Variants in ZCCHC7 observed in about 807,000 individuals in gnomAD.
ZCCHC7 encodes zinc finger CCHC domain-containing protein 7.
A neutral mutation model predicts 52.0 loss-of-function variants in ZCCHC7; 35 were observed. That is an observed-to-expected ratio of 0.67 (90% CI 0.51 to 0.89). The LOEUF (loss-of-function observed/expected upper bound fraction) is 0.89, where lower values mean the gene tolerates loss of function less well. Among genes scored for constraint, ZCCHC7 ranks in the 40% least tolerant of loss-of-function variants. The pLI, the probability that ZCCHC7 is intolerant of heterozygous loss-of-function variation, is 0.00. For synonymous variants in ZCCHC7, 217 were observed against 221.5 expected (o/e 0.98, Z 0.18); for missense variants, 574 against 649.1 (o/e 0.88, Z 1.26).
intron 2 of ZCCHC7, among the ~76,000 whole-genome samples, chr9:37,239,531 G>T (rs1825793295): frequency 6.6e-6 from 1 of 152,082 alleles, no homozygotes; most frequent in East Asian, 1.9e-4. Context: ...GACAGGGAGG[G>T]TTTTAAGCAT....
At chr9:37,255,058 T>G (rs753148378) in intron 2 of ZCCHC7, among the ~76,000 whole-genome samples, 1 of 151,942 alleles carries the variant, frequency 6.6e-6, no homozygotes, top group Non-Finnish European at 1.5e-5. Context: ...GCATTCCCAG[T>G]GGATGTCTAA....
intron 4 of ZCCHC7, among the ~76,000 whole-genome samples, chr9:37,304,980 T>C (rs577234066): frequency 1.3e-5 from 2 of 152,308 alleles, no homozygotes; most frequent in African/African-American, 4.8e-5. Context: ...CGTTAGAAAA[T>C]TATAATTTGG....
At chr9:37,221,684 A>G (rs1210260887) in intron 2 of ZCCHC7, among the ~76,000 whole-genome samples, 1 of 152,226 alleles carries the variant, frequency 6.6e-6, no homozygotes, top group Non-Finnish European at 1.5e-5. Flanking sequence ...AGATTTGAAT[A>G]GAGAAAGTAA....
intron 6 of ZCCHC7, among the ~76,000 whole-genome samples, chr9:37,331,262 C>A (rs968206992): frequency 6.6e-6 from 1 of 151,598 alleles, no homozygotes; most frequent in African/African-American, 2.4e-5. Flanking sequence ...GTGTGCTTGA[C>A]TTCCTTTCTG....
chr9:37,323,732 G>A (rs1025360034), intron 5 of ZCCHC7, among the ~76,000 whole-genome samples: 1 of 152,022 alleles, frequency 6.6e-6, no homozygotes, highest in Non-Finnish European at 1.5e-5. Context: ...TTGATTGACG[G>A]CAAATGCTAG....
chr9:37,342,069 A>C (rs1046169778), intron 6 of ZCCHC7, among the ~76,000 whole-genome samples: 2 of 152,124 alleles, frequency 1.3e-5, no homozygotes, highest in Non-Finnish European at 2.9e-5. Flanking sequence ...TATGTTGTAG[A>C]GGGCAGGGAT....
intron 2 of ZCCHC7, among the ~76,000 whole-genome samples, chr9:37,171,910 T>C (rs1231464777): frequency 6.6e-6 from 1 of 152,200 alleles, no homozygotes; most frequent in Non-Finnish European, 1.5e-5. Context: ...GTAGATGTAT[T>C]CTTCTGTTAT....
rs141314115 is a variant in ZCCHC7 at position 37,298,765 on chromosome 9, A to G, written c.611-3423A>G. Among the ~76,000 whole-genome samples the G allele has an allele frequency of 2.4e-4, 37 of 152,334 alleles. No homozygotes were observed. The East Asian group carries it at 6.9e-3, about 29-fold the overall frequency. ...TTTTTACATAGGTACATTTTATTAC[A>G]TGTAAGTTACACCTCATTAGTTTCC... On this transcript the variant is annotated intron_variant, in intron 2 of 8. Coordinates refer to ENST00000336755, the MANE Select transcript of ZCCHC7 (RefSeq NM_032226.3).
At chr9:37,327,343 A>C (rs535065728) in intron 5 of ZCCHC7, 1 of 153,570 alleles carries the variant, frequency 6.5e-6, no homozygotes, top group African/African-American at 2.4e-5. Context: ...GATTCCGTAA[A>C]AGATGCCAAC....
At chr9:37,289,384 C>T (rs946142559) in intron 2 of ZCCHC7, among the ~76,000 whole-genome samples, 3 of 152,094 alleles carry the variant, frequency 2.0e-5, no homozygotes, top group South Asian at 2.1e-4. Context: ...CTACTGACTT[C>T]GTGATCTGCC....
chr9:37,281,025 T>C (rs1588604826), intron 2 of ZCCHC7, among the ~76,000 whole-genome samples: 1 of 152,080 alleles, frequency 6.6e-6, no homozygotes, highest in Non-Finnish European at 1.5e-5. Flanking sequence ...TGGTTACAAG[T>C]TTCTTAACAT....
At chr9:37,172,644 A>G (rs565514444) in intron 2 of ZCCHC7, among the ~76,000 whole-genome samples, 151 of 152,356 alleles carry the variant, frequency 9.9e-4, no homozygotes, top group Non-Finnish European at 1.2e-3. Flanking sequence ...GCATTGCATT[A>G]TGGACTTGAT....
At chr9:37,130,492 A>G (rs1051370471) in intron 2 of ZCCHC7, among the ~76,000 whole-genome samples, 4 of 129,954 alleles carry the variant, frequency 3.1e-5, no homozygotes, top group Non-Finnish European at 5.0e-5. Context: ...TGAAATCTCA[A>G]TTTTTTTTTT....
At chr9:37,288,479 A>C (rs1232776220) in intron 2 of ZCCHC7, among the ~76,000 whole-genome samples, 2 of 151,850 alleles carry the variant, frequency 1.3e-5, no homozygotes, top group Non-Finnish European at 2.9e-5. Flanking sequence ...TTTTAAGGAG[A>C]TAGGGTACCA....
rs1564242150 is a variant in ZCCHC7 at position 37,305,667 on chromosome 9, T to G, written c.904T>G (p.Trp302Gly). 2.5e-6 allele frequency: 4 copies of G among 1,614,184 alleles called. No individual in the cohort carries two copies. The highest frequency in any genetic ancestry group is 3.4e-6 in the Non-Finnish European group (4 of 1,180,022). Residue 302 changes from tryptophan (W) to glycine (G), a missense_variant, in exon 5 of 9, where the codon TGG (tryptophan) becomes GGG (glycine). This residue lies in a region of ZCCHC7 where 403 missense variants were observed against 461.2 expected (regional missense o/e 0.87). Transcript: ENST00000336755. ...CCACTCATGTCTTTTCAGACATTCC[T>G]GGGATAAACAGTGTGACCGATGTCA... ...LDHSCLFRHSWDKQCDRCHML... is the reference protein window; with the variant it reads ...LDHSCLFRHSGDKQCDRCHML...
At chr9:37,265,796 T>G (rs1827077496) in intron 2 of ZCCHC7, among the ~76,000 whole-genome samples, 1 of 152,198 alleles carries the variant, frequency 6.6e-6, no homozygotes, top group Non-Finnish European at 1.5e-5. Context: ...GGATAGTGTG[T>G]TTAGCCTAGA....
intron 2 of ZCCHC7, among the ~76,000 whole-genome samples, chr9:37,152,373 T>C (rs982281104): frequency 6.2e-4 from 95 of 152,298 alleles, no homozygotes; most frequent in African/African-American, 2.2e-3. Flanking sequence ...TTTGTCAAAA[T>C]TAATGCATCA....
rs77191316 is a variant in ZCCHC7 at position 37,249,324 on chromosome 9, A to T, written c.611-52864A>T. On this transcript the variant is annotated intron_variant, in intron 2 of 8. Transcript: ENST00000336755. ...GTTCTTATTCTCAACACTTGATCCT[A>T]TTCTCTTTATCAAACATAGTTTTTA... 7.5e-3 allele frequency among the ~76,000 whole-genome samples: 1,136 copies of T among 152,140 alleles called. 16 individuals are homozygous for T. Among genetic ancestry groups the T allele is most frequent in the African/African-American group, 0.026 (1,076 of 41,514 alleles).
chr9:37,250,178 T>A (rs1308555625), intron 2 of ZCCHC7, among the ~76,000 whole-genome samples: 1 of 152,180 alleles, frequency 6.6e-6, no homozygotes, highest in African/African-American at 2.4e-5. Flanking sequence ...CATGAATAGT[T>A]TTCTCCATAT....
Sources: allele counts gnomAD v4.1 joint callset (sites outside exome capture counted in the v4.1 genomes callset), GRCh38; gene constraint gnomAD v4.1.1; regional missense constraint gnomAD v4.1.1; transcripts MANE v1.5; gene names NCBI Gene and HGNC (gene_info 2026-07-23, HGNC 2026-07-21).